The following STAT4 variants were observed in gnomAD, a reference collection of about 807,000 sequenced individuals.
STAT4 encodes signal transducer and activator of transcription 4.
A neutral mutation model predicts 110.5 loss-of-function variants in STAT4; 42 were observed. The ratio of observed to expected loss-of-function variants is 0.38; its 90% CI spans 0.30 to 0.49. STAT4 has a LOEUF of 0.49. Among genes scored for constraint, STAT4 ranks in the 20% least tolerant of loss-of-function variants. The pLI, the probability that STAT4 is intolerant of heterozygous loss-of-function variation, is 0.95. For synonymous variants in STAT4, 284 were observed against 302.2 expected, an observed-to-expected ratio of 0.94 and a Z score of 0.63; for missense variants, 632 against 887.9, an observed-to-expected ratio of 0.71 and a Z score of 3.66.
At position 191,058,664 on chromosome 2, in the gene STAT4, G is replaced by T; in HGVS notation, c.1094+46C>A. The T allele has an allele frequency of 1.7e-6, 2 of 1,174,628 alleles. No homozygotes were observed. The highest frequency in any genetic ancestry group is 2.5e-6 in the Non-Finnish European group (2 of 805,454). 72.8% of individuals were successfully genotyped at this position (1,174,628 alleles called of 1,614,324 possible). On this transcript the variant is annotated intron_variant, in intron 11 of 23. Transcript: ENST00000392320. This position sits in a 1 kb window ranked among gnomAD's most constrained non-coding sequence, Gnocchi z 4.3. Reference sequence around the variant, plus strand: ...AAATAAAGGCCATTCATTTTTAAAAGTCTTACATTTGGAATTGTAATTCAA... The same window carrying T: ...AAATAAAGGCCATTCATTTTTAAAATTCTTACATTTGGAATTGTAATTCAA...
Position 191,029,938 on chromosome 2 carries a change from A to G in STAT4, c.2221-72T>C. 1 of 1,172,862 alleles carries G rather than the reference A, an allele frequency of 8.5e-7. No homozygotes were observed. The highest frequency in any genetic ancestry group is 1.2e-6 in the Non-Finnish European group (1 of 813,758). 72.7% of individuals were successfully genotyped at this position (1,172,862 alleles called of 1,614,324 possible). ...AAATCAATCACTATTTCTTGGGCAA[A>G]TAAACGTCCTCTTTTCTACGAATTA... is the stretch of plus-strand genomic sequence containing the variant. On this transcript the variant is annotated intron_variant, in intron 23 of 23. Transcript: ENST00000392320. This position sits in a 1 kb window ranked among gnomAD's most constrained non-coding sequence, Gnocchi z 4.5.
chr2:191,074,585 A>C (rs1390805206), intron 4 of STAT4, among the ~76,000 whole-genome samples: 1 of 152,172 alleles, frequency 6.6e-6, no homozygotes, highest in Non-Finnish European at 1.5e-5. Context: ...TCTCACACAC[A>C]CACGTGCACA....
In STAT4 at chr2:191,135,453, TTTG is replaced by T. The variant is rs537263949; in HGVS notation, c.273+11157_273+11159del. Among the ~76,000 whole-genome samples the T allele has an allele frequency of 5.9e-5, 9 of 152,242 alleles. No homozygotes were observed. Among genetic ancestry groups the T allele is most frequent in the African/African-American group, 1.4e-4 (6 of 41,510 alleles). On this transcript the variant is annotated intron_variant, in intron 3 of 23. Transcript: ENST00000392320. The surrounding 1 kb of genome is among the most constrained non-coding windows in gnomAD (Gnocchi z 4.8). ...ACTGGATGACTTTACTGTCGAATTCTTTGTTGTTGTTGTTGTTATTGTTTTTGT... is the reference window on the plus strand; with the variant it reads ...ACTGGATGACTTTACTGTCGAATTCTTTGTTGTTGTTGTTATTGTTTTTGT...
In STAT4 at chr2:191,051,721, G is replaced by T. The variant is rs376805641; in HGVS notation, c.1251+2769C>A. 6.6e-6 allele frequency among the ~76,000 whole-genome samples: 1 copy of T among 152,182 alleles called. No individual in the cohort carries two copies. Among genetic ancestry groups the T allele is most frequent in the Non-Finnish European group, 1.5e-5 (1 of 68,026 alleles). ...GGGCAGTAGGAGTGCCAACCAGCTC[G>T]CCTCTCCCAGGGAAGGTTCTGCGAC... On this transcript the variant is annotated intron_variant, in intron 14 of 23. Coordinates refer to ENST00000392320, the MANE Select transcript of STAT4 (RefSeq NM_003151.4). This position sits in a 1 kb window ranked among gnomAD's most constrained non-coding sequence, Gnocchi z 5.6.
At chr2:191,079,473 T>C (rs905082824) in intron 3 of STAT4, among the ~76,000 whole-genome samples, 1 of 152,058 alleles carries the variant, frequency 6.6e-6, no homozygotes, top group Non-Finnish European at 1.5e-5. Context: ...TTTGCTGTTA[T>C]ATAGAAATAT....
rs144817559 is a variant in STAT4 at position 191,141,391 on chromosome 2, T to C, written c.273+5222A>G. Among the ~76,000 whole-genome samples the C allele has an allele frequency of 1.3e-4, 19 of 148,326 alleles. No homozygotes were observed. The East Asian group carries it at 3.7e-3, about 29-fold the overall frequency. On this transcript the variant is annotated intron_variant, in intron 3 of 23. Coordinates refer to ENST00000392320, the MANE Select transcript of STAT4 (RefSeq NM_003151.4). ...GTTATTTTATACATACATGTATATA[T>C]ATATCATATATATACATATACATAT...
chr2:191,033,972 T>A lies in STAT4; in HGVS notation c.1654A>T (p.Thr552Ser), dbSNP rs1695970036. ...HLPGKSFTFWTWLEAILDLIK... is the reference protein window; with the variant it reads ...HLPGKSFTFWSWLEAILDLIK... ...AGATCCAATATTGCTTCAAGCCATGTCCAAAAGGTAAATGATTTACCAGGT... is the reference window on the plus strand; with the variant it reads ...AGATCCAATATTGCTTCAAGCCATGACCAAAAGGTAAATGATTTACCAGGT... Residue 552 changes from threonine to serine, a missense_variant, in exon 19 of 24, where the codon ACA becomes TCA. By Grantham distance (58) the Thr-to-Ser change is moderately conservative (BLOSUM62 1). Around this residue, in one of 4 missense-constraint regions of STAT4, gnomAD observed 74 missense variants for 154.3 expected, o/e 0.48. Coordinates refer to ENST00000392320, the MANE Select transcript of STAT4 (RefSeq NM_003151.4). The surrounding 1 kb of genome is among the most constrained non-coding windows in gnomAD (Gnocchi z 6.9). The A allele has an allele frequency of 1.3e-5, 21 of 1,612,322 alleles. No homozygotes were observed. Among genetic ancestry groups the A allele is most frequent in the Non-Finnish European group, 1.7e-5 (20 of 1,179,350 alleles).
intron 3 of STAT4, among the ~76,000 whole-genome samples, chr2:191,126,045 G>C (rs1481545547): frequency 6.6e-6 from 1 of 152,172 alleles, no homozygotes; most frequent in African/African-American, 2.4e-5. Flanking sequence ...ACTAAGTTTA[G>C]ATATCTGCTT....
Position 191,048,628 on chromosome 2 carries a change from T to A in STAT4, c.1251+5862A>T, listed in dbSNP as rs1173984364. ...CCGTCTCTACCAAAAAAAAAAAAAA[T>A]GCAAACAATTAGCTGGGCATGGTGG... On this transcript the variant is annotated intron_variant, in intron 14 of 23. Coordinates refer to ENST00000392320, the MANE Select transcript of STAT4 (RefSeq NM_003151.4). Among the ~76,000 whole-genome samples the A allele has an allele frequency of 1.3e-4, 19 of 143,452 alleles. No individual in the cohort carries two copies. The South Asian group carries it at 1.3e-3, about 10-fold the overall frequency. 94.1% of individuals were successfully genotyped at this position (143,452 alleles called of 152,430 possible). A position where few individuals can be genotyped will look rare whatever the true frequency, so the allele number is the denominator to read the frequency against.
At chr2:191,067,052 T>A (rs1697009656) in intron 6 of STAT4, among the ~76,000 whole-genome samples, 1 of 151,430 alleles carries the variant, frequency 6.6e-6, no homozygotes, top group Non-Finnish European at 1.5e-5. Context: ...TTCCCCCACT[T>A]TTTTTTCTTT....
In STAT4 at chr2:191,083,866, G is replaced by GA. The variant is rs998936506; in HGVS notation, c.274-7542dup. Among the ~76,000 whole-genome samples, 3 of 151,938 alleles carry GA rather than the reference G, an allele frequency of 2.0e-5. No homozygotes were observed. Among genetic ancestry groups the GA allele is most frequent in the African/African-American group, 7.2e-5 (3 of 41,382 alleles). ...TCGCATGATTTTAGTAATCTTTGATGAAAAAAAGACAGTTTTAAAATTATT... is the reference window on the plus strand; with the variant it reads ...TCGCATGATTTTAGTAATCTTTGATGAAAAAAAAGACAGTTTTAAAATTATT... On this transcript the variant is annotated intron_variant, in intron 3 of 23. Coordinates refer to ENST00000392320, the MANE Select transcript of STAT4 (RefSeq NM_003151.4). The surrounding 1 kb of genome is among the most constrained non-coding windows in gnomAD (Gnocchi z 4.6).
rs1696891442 is a variant in STAT4, at chr2:191,062,976, C to A, written c.783-56G>T. 7.3e-6 allele frequency: 11 copies of A among 1,511,796 alleles called. No individual in the cohort carries two copies. Among genetic ancestry groups the A allele is most frequent in the Non-Finnish European group, 9.9e-6 (11 of 1,112,914 alleles). The allele number at this position is 1,511,796 out of a possible 1,614,324, so 93.6% of individuals were successfully genotyped here. A position where few individuals can be genotyped will look rare whatever the true frequency, so the allele number is the denominator to read the frequency against. ...GTTTTTCCACTTAATAATAAAAAAG[C>A]ATTGTAACAATGGGTCATAGTTAAT... On this transcript the variant is annotated intron_variant, in intron 8 of 23. Transcript: ENST00000392320. This position sits in a 1 kb window ranked among gnomAD's most constrained non-coding sequence, Gnocchi z 4.9.
At position 191,066,725 on chromosome 2, in the gene STAT4, G is replaced by C. The variant is rs143811959; in HGVS notation, c.545-210C>G. On this transcript the variant is annotated intron_variant, in intron 6 of 23. Transcript: ENST00000392320. This position sits in a 1 kb window ranked among gnomAD's most constrained non-coding sequence, Gnocchi z 4.3. Reference sequence around the variant, plus strand: ...TGCAAAAAAGGACCTCTTTATTTTAGAGCTTCAGGAAAAACCATTCTGCAC... The same window carrying C: ...TGCAAAAAAGGACCTCTTTATTTTACAGCTTCAGGAAAAACCATTCTGCAC... Among the ~76,000 whole-genome samples, 1 of 152,234 alleles carries C rather than the reference G, an allele frequency of 6.6e-6. No homozygotes were observed. The highest frequency in any genetic ancestry group is 1.5e-5 in the Non-Finnish European group (1 of 67,978).
rs147623860 is a variant in STAT4 at position 191,141,384 on chromosome 2, GTA to G, written c.273+5227_273+5228del. ...TAAAATGGTTATTTTATACATACAT[GTA>G]TATATATATCATATATATACATATA... On this transcript the variant is annotated intron_variant, in intron 3 of 23. Transcript: ENST00000392320. Among the ~76,000 whole-genome samples, 233 of 146,352 alleles carry G rather than the reference GTA, an allele frequency of 1.6e-3. 1 individual carries two copies. The highest frequency in any genetic ancestry group is 5.7e-3 in the African/African-American group (226 of 39,354).
In STAT4 at chr2:191,110,689, A is replaced by G. The variant is rs1249276915; in HGVS notation, c.274-34364T>C. On this transcript the variant is annotated intron_variant, in intron 3 of 23. Coordinates refer to ENST00000392320, the MANE Select transcript of STAT4 (RefSeq NM_003151.4). The surrounding 1 kb of genome is among the most constrained non-coding windows in gnomAD (Gnocchi z 4.5). Reference sequence around the variant, plus strand: ...AACTATATTGCCAAGGAGAAAATGCATGAATTTCAGTTGATACAACTGAAG... The same window carrying G: ...AACTATATTGCCAAGGAGAAAATGCGTGAATTTCAGTTGATACAACTGAAG... 6.6e-6 allele frequency among the ~76,000 whole-genome samples: 1 copy of G among 152,246 alleles called. No individual in the cohort carries two copies. Among genetic ancestry groups the G allele is most frequent in the Non-Finnish European group, 1.5e-5 (1 of 68,042 alleles).
chr2:191,030,479 T>C lies in STAT4; in HGVS notation c.2220+493A>G, dbSNP rs906553978. Among the ~76,000 whole-genome samples the C allele has an allele frequency of 1.6e-4, 24 of 152,310 alleles. No homozygotes were observed. Among genetic ancestry groups the C allele is most frequent in the African/African-American group, 5.8e-4 (24 of 41,570 alleles). ...CCATTGACTGTTATTCATATATTAT[T>C]GATGAGGCTCCGGGTTCTAGAAATG... On this transcript the variant is annotated intron_variant, in intron 23 of 23. Coordinates refer to ENST00000392320, the MANE Select transcript of STAT4 (RefSeq NM_003151.4). This position sits in a 1 kb window ranked among gnomAD's most constrained non-coding sequence, Gnocchi z 4.4.
At chr2:191,072,587 T>G (rs2125257159) in intron 5 of STAT4, among the ~76,000 whole-genome samples, 1 of 152,324 alleles carries the variant, frequency 6.6e-6, no homozygotes, top group South Asian at 2.1e-4. Flanking sequence ...CTATGTAAGT[T>G]TTGGAAGGGA....
At chr2:191,137,070 G>A (rs1025324287) in intron 3 of STAT4, among the ~76,000 whole-genome samples, 1 of 152,054 alleles carries the variant, frequency 6.6e-6, no homozygotes, top group Non-Finnish European at 1.5e-5. Context: ...GCCAGGTGCG[G>A]TGTGGCTCAT....
intron 3 of STAT4, among the ~76,000 whole-genome samples, chr2:191,098,689 A>G (rs562335309): frequency 1.3e-5 from 2 of 152,336 alleles, no homozygotes; most frequent in East Asian, 3.9e-4. Context: ...GCAAACAAAC[A>G]TGGCACATGT....
Sources: allele counts gnomAD v4.1 joint callset (sites outside exome capture counted in the v4.1 genomes callset), GRCh38; gene constraint gnomAD v4.1.1; regional missense constraint gnomAD v4.1.1; non-coding constraint Gnocchi (gnomAD v3.1); transcripts MANE v1.5; gene names NCBI Gene and HGNC (gene_info 2026-07-23, HGNC 2026-07-21).